Variants in SLC9B1 observed in about 807,000 individuals in gnomAD.
SLC9B1 encodes the protein sodium/hydrogen exchanger 9B1.
SLC9B1 carries 32 observed loss-of-function variants against 51.7 expected under a neutral mutation model. The observed-to-expected ratio is 0.62, with a 90% CI of 0.47 to 0.83. The LOEUF (loss-of-function observed/expected upper bound fraction) is 0.83, where lower values mean the gene tolerates loss of function less well. SLC9B1 is among the 40% of genes least tolerant of loss of function. The pLI is 0.00. For missense variants in SLC9B1, 406 were observed against 613.2 expected (o/e 0.66, Z 3.57); for synonymous variants, 145 against 212.7 (o/e 0.68, Z 2.77).
At chr4:103,015,091 A>G (rs568687278) in intron 1 of SLC9B1, among the ~76,000 whole-genome samples, 20 of 152,274 alleles carry the variant, frequency 1.3e-4, no homozygotes, top group African/African-American at 3.9e-4. Flanking sequence ...AAGATTTTCA[A>G]AGTTCATTCT....
chr4:102,979,757 C>A (rs911315000), intron 3 of SLC9B1, among the ~76,000 whole-genome samples: 1 of 152,024 alleles, frequency 6.6e-6, no homozygotes, highest in Non-Finnish European at 1.5e-5. Context: ...AGGCTCACAG[C>A]AAAATTGAGC....
intron 11 of SLC9B1, among the ~76,000 whole-genome samples, chr4:102,903,714 A>G (rs760698404): frequency 1.4e-5 from 2 of 143,832 alleles, no homozygotes; most frequent in Non-Finnish European, 3.1e-5. Context: ...AATAAGTAGC[A>G]ATATATTTTA....
intron 7 of SLC9B1, among the ~76,000 whole-genome samples, chr4:102,924,774 C>T (rs1279361484): frequency 1.3e-5 from 2 of 152,230 alleles, no homozygotes; most frequent in Non-Finnish European, 2.9e-5. Context: ...CAAAAGAAGA[C>T]ATCTATGCAG....
intron 7 of SLC9B1, among the ~76,000 whole-genome samples, chr4:102,919,785 C>T (rs1735773093): frequency 6.6e-6 from 1 of 152,242 alleles, no homozygotes. Context: ...GTCCCACACC[C>T]ATGGAGCCTT....
intron 6 of SLC9B1, among the ~76,000 whole-genome samples, chr4:102,933,865 C>T (rs1736585038): frequency 6.6e-6 from 1 of 152,146 alleles, no homozygotes; most frequent in Admixed American, 6.5e-5. Context: ...TACCTGAATA[C>T]TTAGAGAGAC....
intron 11 of SLC9B1, chr4:102,890,032 C>G (rs1734158637): frequency 6.6e-6 from 1 of 152,210 alleles, no homozygotes; most frequent in African/African-American, 2.4e-5. Flanking sequence ...TAGGAAACTA[C>G]TCATGCCTTA....
intron 3 of SLC9B1, among the ~76,000 whole-genome samples, chr4:102,957,429 G>A (rs1289521940): frequency 6.6e-6 from 1 of 152,048 alleles, no homozygotes; most frequent in East Asian, 1.9e-4. Flanking sequence ...AAAATAGCAA[G>A]AGATGACTTA....
At chr4:102,913,662 GATAA>G (rs1177997198) in intron 7 of SLC9B1, among the ~76,000 whole-genome samples, 1 of 151,810 alleles carries the variant, frequency 6.6e-6, no homozygotes, top group Non-Finnish European at 1.5e-5. Context: ...TAAAGAAATA[GATAA>G]ATGAGTTACC....
intron 7 of SLC9B1, among the ~76,000 whole-genome samples, chr4:102,925,081 T>C (rs1454889574): frequency 6.6e-6 from 1 of 152,212 alleles, no homozygotes; most frequent in Non-Finnish European, 1.5e-5. Flanking sequence ...TTATGAATCA[T>C]GCTGCTATAA....
At chr4:102,946,559 C>T (rs751096530) in intron 5 of SLC9B1, 88 bp downstream of exon 5, 12 of 1,433,620 alleles carry the variant, frequency 8.4e-6, no homozygotes, top group Non-Finnish European at 1.1e-5. Context: ...CTATTTGGAA[C>T]AGGAAAATAA....
At chr4:102,940,490 A>T (rs1736935234) in intron 6 of SLC9B1, among the ~76,000 whole-genome samples, 1 of 152,138 alleles carries the variant, frequency 6.6e-6, no homozygotes, top group Non-Finnish European at 1.5e-5. Flanking sequence ...TTTTCACAGG[A>T]TTAAAAAAAG....
At chr4:102,999,948 TGGAAGGTGAA>T (rs368540013) in intron 1 of SLC9B1, among the ~76,000 whole-genome samples, 172 of 152,256 alleles carry the variant, frequency 1.1e-3, no homozygotes, top group African/African-American at 4.1e-3. Flanking sequence ...TACAATCAAG[TGGAAGGTGAA>T]GGAGAAGCAA....
At chr4:102,985,954 G>C (rs1739595194) in intron 3 of SLC9B1, among the ~76,000 whole-genome samples, 2 of 152,026 alleles carry the variant, frequency 1.3e-5, no homozygotes, top group Non-Finnish European at 2.9e-5. Context: ...ATAAGCTATA[G>C]TCATAAATAC....
chr4:102,995,530 A>C (rs572533202), intron 1 of SLC9B1, among the ~76,000 whole-genome samples: 139 of 152,202 alleles, frequency 9.1e-4, no homozygotes, highest in Non-Finnish European at 1.7e-3. Context: ...ACTATGTATT[A>C]GAACTTCAAA....
At chr4:102,920,739 T>C (rs1158935271) in intron 7 of SLC9B1, among the ~76,000 whole-genome samples, 1 of 152,152 alleles carries the variant, frequency 6.6e-6, no homozygotes, top group Non-Finnish European at 1.5e-5. Context: ...GCTGAAAACC[T>C]TGGCACGAGA....
intron 6 of SLC9B1, among the ~76,000 whole-genome samples, chr4:102,942,479 C>T (rs1010922803): frequency 5.9e-5 from 9 of 152,074 alleles, no homozygotes; most frequent in African/African-American, 1.9e-4. Context: ...TAAAAATAGG[C>T]ACATAGACCA....
At position 102,928,024 on chromosome 4, in the gene SLC9B1, A is replaced by G. The variant is rs572626314; in HGVS notation, c.829+4100T>C. Reference sequence around the variant, plus strand: ...TCTCACTCATAGGTGGGAATTGAACAATGAGATCACTTGGACACAGGGCTG... The same window carrying G: ...TCTCACTCATAGGTGGGAATTGAACGATGAGATCACTTGGACACAGGGCTG... On this transcript the variant is annotated intron_variant, in intron 7 of 11. Transcript: ENST00000296422. Among the ~76,000 whole-genome samples the G allele has an allele frequency of 1.3e-4, 20 of 152,138 alleles. No individual in the cohort carries two copies. In the East Asian group the frequency reaches 3.9e-3, roughly 29 times the overall value.
chr4:102,926,847 C>G (rs1180353892), intron 7 of SLC9B1, among the ~76,000 whole-genome samples: 2 of 152,196 alleles, frequency 1.3e-5, no homozygotes, highest in African/African-American at 4.8e-5. Flanking sequence ...TGACTTCAAA[C>G]TGTACTACAA....
At chr4:102,940,595 A>C (rs1197444418) in intron 6 of SLC9B1, among the ~76,000 whole-genome samples, 1 of 152,250 alleles carries the variant, frequency 6.6e-6, no homozygotes. Flanking sequence ...AGCCAAAAGC[A>C]TCACACTACC....
Sources: gnomAD v4.1 joint callset for allele counts (sites outside exome capture counted in the v4.1 genomes callset) on GRCh38, gnomAD v4.1.1 for gene constraint, MANE v1.5 for transcripts, NCBI Gene and HGNC (gene_info 2026-07-23, HGNC 2026-07-21) for gene names.